SEMA5A: variants seen among roughly 807,000 people sequenced by gnomAD.
SEMA5A encodes semaphorin-5A.
Under a neutral mutation model 135.5 loss-of-function variants are expected in SEMA5A, and 55 were observed. The observed-to-expected ratio is 0.41, with a 90% CI of 0.33 to 0.51. SEMA5A has a LOEUF of 0.51. SEMA5A is among the 20% of genes least tolerant of loss of function. SEMA5A has a pLI of 0.37. For synonymous variants in SEMA5A, 580 were observed against 546.5 expected, an observed-to-expected ratio of 1.06 and a Z score of -0.85; for missense variants, 1,290 against 1,419.9, an observed-to-expected ratio of 0.91 and a Z score of 1.47.
At position 9,538,748 on chromosome 5, in the gene SEMA5A, A is replaced by G. The variant is rs200147732; in HGVS notation, c.-175+6836T>C. Among the ~76,000 whole-genome samples the G allele has an allele frequency of 2.0e-4, 31 of 152,340 alleles. No homozygotes were observed. The East Asian group carries it at 5.4e-3, about 27-fold the overall frequency. On this transcript the variant is annotated intron_variant, in intron 1 of 22. Coordinates refer to ENST00000382496, the MANE Select transcript of SEMA5A (RefSeq NM_003966.3). ...TTTCATAACAGAGATCACAGCTCAGATAGACTTCCCAGGAAGAAAGTGTTT... is the reference window on the plus strand; with the variant it reads ...TTTCATAACAGAGATCACAGCTCAGGTAGACTTCCCAGGAAGAAAGTGTTT...
At chr5:9,346,914 GTA>G (rs143461409) in intron 3 of SEMA5A, among the ~76,000 whole-genome samples, 10,403 of 99,036 alleles carry the variant, frequency 0.11, 406 homozygotes, top group Admixed American at 0.13. Context: ...GTGTGTGTGT[GTA>G]TATATATATA....
chr5:9,425,834 T>G (rs1414367629), intron 2 of SEMA5A, among the ~76,000 whole-genome samples: 2 of 152,156 alleles, frequency 1.3e-5, no homozygotes, highest in African/African-American at 4.8e-5. Context: ...TGGGGACCTT[T>G]AGAAAATAAA....
intron 15 of SEMA5A, among the ~76,000 whole-genome samples, 192 bp from the exon 16 acceptor site, chr5:9,108,479 A>G (rs776161714): frequency 1.3e-5 from 2 of 152,198 alleles, no homozygotes; most frequent in African/African-American, 2.4e-5. Flanking sequence ...GTGCACAGAC[A>G]ATGGGATGCA....
intron 1 of SEMA5A, among the ~76,000 whole-genome samples, chr5:9,465,600 A>G (rs868327077): frequency 6.6e-6 from 1 of 152,242 alleles, no homozygotes; most frequent in South Asian, 2.1e-4. Context: ...TAGGCATTAC[A>G]TAGGATACTA....
chr5:9,341,290 G>C (rs1187968344), intron 3 of SEMA5A, among the ~76,000 whole-genome samples: 4 of 151,984 alleles, frequency 2.6e-5, no homozygotes, highest in Non-Finnish European at 5.9e-5. Context: ...AGCAAGCTTA[G>C]TAACAGAAAA....
intron 3 of SEMA5A, chr5:9,367,398 A>G (rs370499647): frequency 2.6e-5 from 4 of 152,212 alleles, no homozygotes; most frequent in African/African-American, 9.6e-5. Context: ...CTGAAAAGGT[A>G]AAAGAAGAAT....
intron 16 of SEMA5A, among the ~76,000 whole-genome samples, chr5:9,091,915 T>C (rs908864160): frequency 6.6e-6 from 1 of 152,200 alleles, no homozygotes; most frequent in Non-Finnish European, 1.5e-5. Flanking sequence ...ACCCAAATGA[T>C]GGCATGAGAC....
chr5:9,200,137 T>G (rs1745625293), intron 9 of SEMA5A, among the ~76,000 whole-genome samples: 1 of 152,210 alleles, frequency 6.6e-6, no homozygotes, highest in Non-Finnish European at 1.5e-5. Context: ...AAATGCATTC[T>G]CAAGACCCAA....
chr5:9,368,745 T>C (rs1445223761), intron 3 of SEMA5A, among the ~76,000 whole-genome samples: 3 of 152,248 alleles, frequency 2.0e-5, no homozygotes, highest in Admixed American at 1.3e-4. Context: ...TTCCTTTTTA[T>C]TGCCCAGTAG....
In SEMA5A at chr5:9,384,709, TAGATAGACAGACAGAC is replaced by T. The variant is rs1229745113; in HGVS notation, c.-77-4702_-77-4687del. 5.9e-4 allele frequency among the ~76,000 whole-genome samples: 75 copies of T among 127,476 alleles called. 2 individuals are homozygous for T. The highest frequency in any genetic ancestry group is 1.9e-3 in the African/African-American group (58 of 30,590). 83.6% of individuals were successfully genotyped at this position (127,476 alleles called of 152,430 possible). A position where few individuals can be genotyped will look rare whatever the true frequency, so the allele number is the denominator to read the frequency against. The stretch of plus-strand genomic sequence containing the variant: ...ATAGATAGATAGATAGATAGATAGA[TAGATAGACAGACAGAC>T]AGACAGACAGACAGACAGATGCATA... On this transcript the variant is annotated intron_variant, in intron 2 of 22. Coordinates refer to ENST00000382496, the MANE Select transcript of SEMA5A (RefSeq NM_003966.3).
rs571987399 is a variant in SEMA5A at position 9,038,323 on chromosome 5, T to C, written c.*4574A>G. On this transcript the variant is annotated 3_prime_UTR_variant, in exon 23 of 23. Transcript: ENST00000382496. ...AGTCGCTGTTAATTTTATCAACCAT[T>C]AGTACCTGTTGCCTCTGGTTCTGTG... 2.6e-5 allele frequency: 4 copies of C among 152,286 alleles called. No individual in the cohort carries two copies. Among genetic ancestry groups the C allele is most frequent in the Non-Finnish European group, 5.9e-5 (4 of 68,018 alleles). The allele number at this position is 152,286 out of a possible 1,614,324, so 9.4% of individuals were successfully genotyped here.
chr5:9,155,116 G>C (rs372238874), intron 11 of SEMA5A, among the ~76,000 whole-genome samples: 3 of 152,144 alleles, frequency 2.0e-5, no homozygotes, highest in Admixed American at 1.3e-4. Flanking sequence ...AATGCAATGT[G>C]ATTGGCAGCT....
intron 21 of SEMA5A, among the ~76,000 whole-genome samples, chr5:9,046,370 G>A (rs975919359): frequency 2.8e-4 from 42 of 152,300 alleles, no homozygotes; most frequent in African/African-American, 9.1e-4. Context: ...TGGGTGCATC[G>A]TAACCACCCC....
At chr5:9,501,486 G>A (rs1735597383) in intron 1 of SEMA5A, among the ~76,000 whole-genome samples, 1 of 152,130 alleles carries the variant, frequency 6.6e-6, no homozygotes, top group South Asian at 2.1e-4. Context: ...AGAGAATACA[G>A]AAAGAGCATT....
chr5:9,244,714 C>T (rs1415537387), intron 5 of SEMA5A, among the ~76,000 whole-genome samples: 1 of 152,156 alleles, frequency 6.6e-6, no homozygotes, highest in Non-Finnish European at 1.5e-5. Context: ...AATAGAATGC[C>T]CTGCACCCAT....
At chr5:9,088,659 T>TATATATATACACACAC in intron 16 of SEMA5A, among the ~76,000 whole-genome samples, 3 of 112,880 alleles carry the variant, frequency 2.7e-5, no homozygotes, top group African/African-American at 4.3e-5. Context: ...TATATATATA[T>TATATATATACACACAC]ACACACACAC....
At chr5:9,515,770 G>C (rs867235663) in intron 1 of SEMA5A, among the ~76,000 whole-genome samples, 11 of 152,326 alleles carry the variant, frequency 7.2e-5, no homozygotes, top group African/African-American at 2.6e-4. Flanking sequence ...CTTAATGTCA[G>C]TGTAAAATCT....
At chr5:9,226,215 G>T (rs1051882783) in intron 7 of SEMA5A, among the ~76,000 whole-genome samples, 3 of 152,196 alleles carry the variant, frequency 2.0e-5, no homozygotes, top group Admixed American at 1.3e-4. Flanking sequence ...TGCAACCAGG[G>T]AATGAACATA....
At chr5:9,348,460 G>A (rs1194655366) in intron 3 of SEMA5A, among the ~76,000 whole-genome samples, 1 of 152,166 alleles carries the variant, frequency 6.6e-6, no homozygotes, top group Non-Finnish European at 1.5e-5. Flanking sequence ...CTATGAAGTT[G>A]GTGCCCAGCC....
Sources: gnomAD v4.1 joint callset for allele counts (sites outside exome capture counted in the v4.1 genomes callset) on GRCh38, gnomAD v4.1.1 for gene constraint, MANE v1.5 for transcripts, NCBI Gene and HGNC (gene_info 2026-07-23, HGNC 2026-07-21) for gene names.